Variants in LYZL4 observed in about 807,000 individuals in gnomAD.
LYZL4 encodes lysozyme like 4.
A neutral mutation model predicts 17.6 loss-of-function variants in LYZL4; 13 were observed. That is an observed-to-expected ratio of 0.74 (90% CI 0.48 to 1.18). The LOEUF (loss-of-function observed/expected upper bound fraction) is 1.18, where lower values mean the gene tolerates loss of function less well. Ranked by LOEUF, LYZL4 falls within the 50% of genes most tolerant of loss-of-function variation. LYZL4 has a pLI of 0.00. For synonymous variants in LYZL4, 64 were observed against 67.7 expected (o/e 0.95, Z 0.27); for missense variants, 174 against 188.2 (o/e 0.92, Z 0.44).
downstream of LYZL4, among the ~76,000 whole-genome samples, chr3:42,395,717 AG>A (rs1377363431): frequency 6.6e-6 from 1 of 152,204 alleles, no homozygotes; most frequent in African/African-American, 2.4e-5. Context: ...AAAAAGGGGC[AG>A]CCCCAAACAG....
At chr3:42,384,172 AG>A in the LYZL4 span, among the ~76,000 whole-genome samples, 1 of 152,224 alleles carries the variant, frequency 6.6e-6, no homozygotes, top group African/African-American at 2.4e-5. Flanking sequence ...AATATTCTAG[AG>A]GAAAATTATT....
At chr3:42,392,186 G>A (rs1698490068), downstream of LYZL4, among the ~76,000 whole-genome samples, 1 of 152,186 alleles carries the variant, frequency 6.6e-6, no homozygotes, top group Non-Finnish European at 1.5e-5. Context: ...AGTGAGACAA[G>A]GCAAGGGAAA....
the LYZL4 span, among the ~76,000 whole-genome samples, chr3:42,376,664 T>A: frequency 6.6e-6 from 1 of 152,144 alleles, no homozygotes; most frequent in Admixed American, 6.5e-5. Flanking sequence ...CGGGGGCGGA[T>A]CTCTCTATAT....
the LYZL4 span, among the ~76,000 whole-genome samples, chr3:42,387,361 C>A: frequency 6.6e-6 from 1 of 152,186 alleles, no homozygotes; most frequent in African/African-American, 2.4e-5. Flanking sequence ...GGGCCTCATA[C>A]AAACAGAGAA....
chr3:42,406,758 T>G, intron 3 of LYZL4, 88 bp downstream of exon 3: 1 of 1,537,730 alleles, frequency 6.5e-7, no homozygotes, highest in Non-Finnish European at 8.8e-7. Context: ...TTGTAAAACT[T>G]TGTAAACTCT....
the LYZL4 span, among the ~76,000 whole-genome samples, chr3:42,387,554 C>T: frequency 6.6e-6 from 1 of 152,274 alleles, no homozygotes; most frequent in Admixed American, 6.5e-5. Context: ...CTTGGTGCTC[C>T]ACATGCCGCC....
the LYZL4 span, among the ~76,000 whole-genome samples, chr3:42,377,342 T>C: frequency 2.2e-4 from 34 of 152,256 alleles, no homozygotes; most frequent in African/African-American, 7.9e-4. Context: ...TAAGTTTCCT[T>C]AGGTGGCAAA....
At chr3:42,383,450 A>C in the LYZL4 span, among the ~76,000 whole-genome samples, 1 of 152,006 alleles carries the variant, frequency 6.6e-6, no homozygotes, top group Non-Finnish European at 1.5e-5. Context: ...AAAAAAAAAA[A>C]AAAAAAACCA....
chr3:42,387,718 C>CT, the LYZL4 span, among the ~76,000 whole-genome samples: 2 of 152,190 alleles, frequency 1.3e-5, no homozygotes, highest in African/African-American at 4.8e-5. Context: ...ACTTGCCTCA[C>CT]TTTCCAAGCT....
At chr3:42,404,009 G>C in intron 4 of LYZL4, 37 bp downstream of exon 4, 1 of 1,407,406 alleles carries the variant, frequency 7.1e-7, no homozygotes, top group Non-Finnish European at 1.0e-6. Context: ...ATGAGTGAAA[G>C]TCGTTAATAC....
intron 3 of LYZL4, among the ~76,000 whole-genome samples, chr3:42,406,453 C>CAAAAAAAAAAAAAAAAAAAA (rs565639489): frequency 2.4e-5 from 2 of 84,158 alleles, no homozygotes; most frequent in African/African-American, 8.4e-5. Context: ...GACTCCGTCT[C>CAAAAAAAAAAAAAAAAAAAA]AAAAAAAAAA....
the LYZL4 span, among the ~76,000 whole-genome samples, chr3:42,391,732 TTAC>T: frequency 7.9e-4 from 120 of 152,210 alleles, no homozygotes; most frequent in Middle Eastern, 3.4e-3. Context: ...GTGGGAGATA[TTAC>T]AATATCAGTT....
intron 1 of LYZL4, among the ~76,000 whole-genome samples, chr3:42,409,797 C>G (rs958467879): frequency 2.6e-5 from 4 of 152,216 alleles, no homozygotes; most frequent in African/African-American, 7.2e-5. Flanking sequence ...TCCCCTTGCA[C>G]TTTGAATAAG....
downstream of LYZL4, among the ~76,000 whole-genome samples, chr3:42,395,773 A>G (rs1211229045): frequency 6.6e-6 from 1 of 152,256 alleles, no homozygotes; most frequent in African/African-American, 2.4e-5. Flanking sequence ...GGCAATACCT[A>G]AAGATCTAAC....
the LYZL4 span, among the ~76,000 whole-genome samples, chr3:42,363,391 T>C: frequency 6.6e-6 from 1 of 152,178 alleles, no homozygotes; most frequent in Non-Finnish European, 1.5e-5. Flanking sequence ...AGGAGATGCA[T>C]GCTGAAATAA....
intron 4 of LYZL4, among the ~76,000 whole-genome samples, chr3:42,403,578 T>C (rs1288011125): frequency 6.6e-6 from 1 of 152,146 alleles, no homozygotes; most frequent in Non-Finnish European, 1.5e-5. Context: ...GCCCAGCCAG[T>C]TATTCACCTT....
the LYZL4 span, among the ~76,000 whole-genome samples, chr3:42,369,850 G>C: frequency 6.6e-6 from 1 of 152,204 alleles, no homozygotes; most frequent in Non-Finnish European, 1.5e-5. Context: ...GGGGATGCAG[G>C]CTGCTCCCTT....
At chr3:42,388,792 A>G in the LYZL4 span, among the ~76,000 whole-genome samples, 2 of 152,232 alleles carry the variant, frequency 1.3e-5, no homozygotes, top group African/African-American at 4.8e-5. Flanking sequence ...ATGTGAATTT[A>G]AAATTCCATC....
chr3:42,380,381 C>A, the LYZL4 span, among the ~76,000 whole-genome samples: 2 of 152,184 alleles, frequency 1.3e-5, no homozygotes, highest in East Asian at 3.8e-4. Context: ...TTTCTGCTTC[C>A]TCTAAAGGGC....
Sources: allele counts gnomAD v4.1 joint callset (sites outside exome capture counted in the v4.1 genomes callset), GRCh38; gene constraint gnomAD v4.1.1; transcripts MANE v1.5; gene names NCBI Gene and HGNC (gene_info 2026-07-23, HGNC 2026-07-21).